OARD1: variants seen among roughly 807,000 people sequenced by gnomAD.
OARD1 encodes the protein O-acyl-ADP-ribose deacylase 1, also known as ADP-ribose glycohydrolase OARD1.
OARD1 carries 19 observed loss-of-function variants against 19.7 expected under a neutral mutation model. The ratio of observed to expected loss-of-function variants is 0.96; its 90% CI spans 0.67 to 1.41. The LOEUF is 1.41. Ranked by LOEUF, OARD1 falls within the 40% of genes most tolerant of loss-of-function variation. OARD1 has a pLI of 0.00. For missense variants in OARD1, 190 were observed against 183.8 expected, an observed-to-expected ratio of 1.03 and a Z score of -0.20; for synonymous variants, 70 against 61.8, an observed-to-expected ratio of 1.13 and a Z score of -0.62.
intron 1 of OARD1, chr6:41,094,279 TC>T: frequency 2.6e-6 from 2 of 771,110 alleles, no homozygotes; most frequent in Non-Finnish European, 4.3e-6. Flanking sequence ...GTCATAATTG[TC>T]CCTTGTGACT....
rs568612296 is a variant in OARD1 at position 41,071,501 on chromosome 6, T to C, written c.39+95A>G. The C allele has an allele frequency of 7.7e-6, 9 of 1,172,040 alleles. No homozygotes were observed. The East Asian group carries it at 1.9e-4, about 24-fold the overall frequency. 72.6% of individuals were successfully genotyped at this position (1,172,040 alleles called of 1,614,324 possible). On this transcript the variant is annotated intron_variant, in intron 2 of 5. Transcript: ENST00000424266. Reference sequence around the variant, plus strand: ...TAAATCAGCTAGAGAGAAAAAAAGATAATGCAATCATTAATTTAATTAAAA... The same window carrying C: ...TAAATCAGCTAGAGAGAAAAAAAGACAATGCAATCATTAATTTAATTAAAA...
At chr6:41,071,052 C>G in intron 3 of OARD1, 80 bp downstream of exon 3, 1 of 1,385,754 alleles carries the variant, frequency 7.2e-7, no homozygotes, top group East Asian at 2.3e-5. Context: ...CCCCTCTTTA[C>G]ACGCATATTT....
chr6:41,069,827 T>C (rs916556913), intron 4 of OARD1: 1 of 540,698 alleles, frequency 1.8e-6, no homozygotes, highest in African/African-American at 1.9e-5. Flanking sequence ...AGAACAGGCC[T>C]ATGGTACATG....
intron 1 of OARD1, chr6:41,091,821 A>G (rs1764203928): frequency 5.0e-6 from 5 of 1,004,020 alleles, no homozygotes; most frequent in Non-Finnish European, 7.2e-6. Context: ...TCGGTAATCT[A>G]CTTTGACAAT....
Position 41,071,548 on chromosome 6 carries a change from CATT to C in OARD1, c.39+45_39+47del, listed in dbSNP as rs776374702. ...AAAAAGTGTTTATGCTTTTGACCTC[CATT>C]ATTACGAATTTCAGTTCACCAATAA... On this transcript the variant is annotated intron_variant, in intron 2 of 5. Transcript: ENST00000424266. 87 of 1,470,928 alleles carry C rather than the reference CATT, an allele frequency of 5.9e-5. No homozygotes were observed. In the African/African-American group the frequency reaches 1.1e-3, roughly 18 times the overall value. The allele number at this position is 1,470,928 out of a possible 1,614,324, so 91.1% of individuals were successfully genotyped here. A position where few individuals can be genotyped will look rare whatever the true frequency, so the allele number is the denominator to read the frequency against.
intron 3 of OARD1, 119 bp downstream of exon 3, chr6:41,071,013 A>T: frequency 9.1e-7 from 1 of 1,099,414 alleles, no homozygotes; most frequent in African/African-American, 1.6e-5. Context: ...TGGGGAGGAA[A>T]ATCTTAAAAA....
chr6:41,092,781 A>G (rs1764229803), intron 1 of OARD1: 2 of 820,772 alleles, frequency 2.4e-6, no homozygotes, highest in Middle Eastern at 7.5e-4. Flanking sequence ...AGGGATCCGC[A>G]TTTACCCAAG....
At chr6:41,089,820 A>G (rs1203591466) in intron 1 of OARD1, 4 of 1,445,290 alleles carry the variant, frequency 2.8e-6, no homozygotes, top group Admixed American at 2.4e-5. Context: ...GATGAAAACC[A>G]TAAAAAAATA....
chr6:41,088,368 A>C (rs1191042707), intron 1 of OARD1, among the ~76,000 whole-genome samples: 1 of 146,292 alleles, frequency 6.8e-6, no homozygotes, highest in Non-Finnish European at 1.5e-5. Context: ...GCTTGCAGTG[A>C]GCCAAGATCA....
intron 1 of OARD1, among the ~76,000 whole-genome samples, chr6:41,091,885 A>G (rs913516899): frequency 1.3e-5 from 2 of 152,206 alleles, no homozygotes; most frequent in African/African-American, 2.4e-5. Flanking sequence ...GCCAGGGACT[A>G]TTCACCAGGG....
upstream of OARD1, among the ~76,000 whole-genome samples, chr6:41,076,057 T>C (rs1234154725): frequency 6.6e-6 from 1 of 152,148 alleles, no homozygotes; most frequent in African/African-American, 2.4e-5. Context: ...GACCCACTTG[T>C]TGAGTTGTGA....
At chr6:41,080,053 G>T (rs138234829) in intron 1 of OARD1, among the ~76,000 whole-genome samples, 1 of 152,152 alleles carries the variant, frequency 6.6e-6, no homozygotes, top group Non-Finnish European at 1.5e-5. Flanking sequence ...TGCCCTGGAG[G>T]GTGGGTTTTT....
intron 3 of OARD1, 196 bp downstream of exon 3, chr6:41,070,936 A>T: frequency 1.6e-6 from 1 of 622,458 alleles, no homozygotes; most frequent in South Asian, 1.9e-5. Flanking sequence ...ATACAAGAGG[A>T]AGAGATTAAA....
chr6:41,068,501 T>G (rs1010906159), intron 5 of OARD1, among the ~76,000 whole-genome samples: 4 of 152,248 alleles, frequency 2.6e-5, no homozygotes, highest in Non-Finnish European at 4.4e-5. Flanking sequence ...TCTTGATTCT[T>G]TAGCTTACAT....
chr6:41,075,488 C>A (rs1358142983), upstream of OARD1: 1 of 151,780 alleles, frequency 6.6e-6, no homozygotes, highest in African/African-American at 2.4e-5. Context: ...TTACAAGCTT[C>A]CACCAGTCTG....
chr6:41,070,008 C>T (rs1214160614), intron 4 of OARD1, 68 bp downstream of exon 4: 1 of 898,198 alleles, frequency 1.1e-6, no homozygotes, highest in African/African-American at 1.6e-5. Flanking sequence ...TGCAGCCCAT[C>T]TGTTCACAAA....
At position 41,087,555 on chromosome 6, in the gene OARD1, A is replaced by G. The variant is rs140636108; in HGVS notation, c.-42+10158T>C. Among the ~76,000 whole-genome samples the G allele has an allele frequency of 3.8e-3, 582 of 152,322 alleles. 11 individuals carry two copies. The South Asian group carries it at 0.06, about 16-fold the overall frequency. On this transcript the variant is annotated intron_variant, in intron 1 of 4. Coordinates refer to the OARD1 transcript ENST00000480585. ...ATCTATGTTGAAGCAATGCTCAAAT[A>G]AAAAAAGTTTGTTGATGGAATTAAT... is the stretch of plus-strand genomic sequence containing the variant.
Position 41,064,783 on chromosome 6 carries a change from A to G in OARD1, c.*2552T>C, listed in dbSNP as rs973396915. 1 of 152,250 alleles carries G rather than the reference A, an allele frequency of 6.6e-6. No homozygotes were observed. Among genetic ancestry groups the G allele is most frequent in the Non-Finnish European group, 1.5e-5 (1 of 68,048 alleles). 9.4% of individuals were successfully genotyped at this position (152,250 alleles called of 1,614,324 possible). ...AGCCACATCCCAAATGCCAGTTAAT[A>G]AGCAACTAGCTTCTTTATTAGAGAG... is the stretch of plus-strand genomic sequence containing the variant. On this transcript the variant is annotated 3_prime_UTR_variant, in exon 6 of 6. Transcript: ENST00000424266.
chr6:41,078,899 A>G (rs555069856), intron 1 of OARD1: 3 of 531,494 alleles, frequency 5.6e-6, no homozygotes, highest in Admixed American at 3.2e-5. Flanking sequence ...GATACTGAAT[A>G]TAAGCATTTC....
Sources: gnomAD v4.1 joint callset for allele counts (sites outside exome capture counted in the v4.1 genomes callset) on GRCh38, gnomAD v4.1.1 for gene constraint, MANE v1.5 for transcripts, NCBI Gene and HGNC (gene_info 2026-07-23, HGNC 2026-07-21) for gene names.